AGBL1: variants seen among roughly 807,000 people sequenced by gnomAD.
The protein encoded by AGBL1 is AGBL carboxypeptidase 1.
A neutral mutation model predicts 118.9 loss-of-function variants in AGBL1; 130 were observed. The observed-to-expected ratio is 1.09, with a 90% confidence interval of 0.95 to 1.26. AGBL1 has a LOEUF of 1.26. AGBL1 is among the 50% of genes most tolerant of loss of function. The pLI, the probability that AGBL1 is intolerant of heterozygous loss-of-function variation, is 0.00. For missense variants in AGBL1, 1,584 were observed against 1,298.1 expected (o/e 1.22, Z -3.38); for synonymous variants, 555 against 478.9 (o/e 1.16, Z -2.08).
At position 86,911,622 on chromosome 15, in the gene AGBL1, C is replaced by A. The variant is rs1255909849; in HGVS notation, c.*4328C>A. 1 of 152,124 alleles carries A rather than the reference C, an allele frequency of 6.6e-6. No individual in the cohort carries two copies. Among genetic ancestry groups the A allele is most frequent in the Non-Finnish European group, 1.5e-5 (1 of 68,036 alleles). 9.4% of individuals were successfully genotyped at this position (152,124 alleles called of 1,614,324 possible). ...GAGTGTCTACACACATATGCACATG[C>A]ACAGTGCAATAGGGGCATGGAAGGG... is the stretch of plus-strand genomic sequence containing the variant. On this transcript the variant is annotated 3_prime_UTR_variant, in exon 23 of 23. Transcript: ENST00000614907.
intron 21 of AGBL1, among the ~76,000 whole-genome samples, chr15:86,673,886 G>A (rs1162594309): frequency 6.6e-6 from 1 of 152,032 alleles, no homozygotes; most frequent in Non-Finnish European, 1.5e-5. Flanking sequence ...TTATCTCTTA[G>A]TAAGATTCTT....
chr15:86,109,072 G>A (rs1250203702), intron 1 of AGBL1, among the ~76,000 whole-genome samples: 3 of 152,150 alleles, frequency 2.0e-5, no homozygotes, highest in African/African-American at 4.8e-5. Flanking sequence ...GCTGTAAAAT[G>A]GATATTGGTT....
rs78828759 is a variant in AGBL1 at position 86,774,481 on chromosome 15, A to T, written c.3158+100045A>T. ...TTAGAATTTTTCACATATTGGGGGC[A>T]CAATATTGAATGAAACAGAGTATCT... On this transcript the variant is annotated intron_variant, in intron 22 of 22. Transcript: ENST00000614907. Among the ~76,000 whole-genome samples, 155 of 152,206 alleles carry T rather than the reference A, an allele frequency of 1.0e-3. 3 individuals are homozygous for T. The East Asian group carries it at 0.026, about 25-fold the overall frequency.
chr15:86,623,832 T>G (rs575844978), intron 21 of AGBL1, among the ~76,000 whole-genome samples: 203 of 152,372 alleles, frequency 1.3e-3, no homozygotes, highest in African/African-American at 4.3e-3. Flanking sequence ...CATACACTTC[T>G]GTGGATTTTA....
chr15:86,661,684 CT>C (rs2085543518), intron 21 of AGBL1, among the ~76,000 whole-genome samples: 1 of 152,014 alleles, frequency 6.6e-6, no homozygotes, highest in African/African-American at 2.4e-5. Flanking sequence ...AGTTAAAAGC[CT>C]TTTTGCTAGA....
intron 21 of AGBL1, among the ~76,000 whole-genome samples, chr15:86,555,504 C>T (rs772264014): frequency 1.7e-4 from 26 of 152,136 alleles, no homozygotes; most frequent in Admixed American, 3.3e-4. Flanking sequence ...CTCAGAGCTA[C>T]CGAACCACCC....
chr15:86,485,687 C>G (rs2082703452), intron 18 of AGBL1, among the ~76,000 whole-genome samples: 1 of 152,090 alleles, frequency 6.6e-6, no homozygotes. Flanking sequence ...ATGGGCTATA[C>G]AAAAGCAGAT....
chr15:86,348,790 A>G (rs978181345), intron 17 of AGBL1, among the ~76,000 whole-genome samples: 5 of 151,914 alleles, frequency 3.3e-5, no homozygotes, highest in Non-Finnish European at 4.4e-5. Context: ...GAAAAAAAAA[A>G]AAAAAAAAGC....
At chr15:86,626,973 G>A (rs1017542443) in intron 21 of AGBL1, among the ~76,000 whole-genome samples, 3 of 151,632 alleles carry the variant, frequency 2.0e-5, no homozygotes, top group African/African-American at 7.3e-5. Context: ...GTGTAGCTGG[G>A]ACTACAGGTG....
chr15:86,445,191 CT>C (rs1389310182), intron 18 of AGBL1, among the ~76,000 whole-genome samples: 3 of 152,184 alleles, frequency 2.0e-5, no homozygotes, highest in Non-Finnish European at 4.4e-5. Flanking sequence ...GCCCATCACC[CT>C]GGGGGAGAGC....
At chr15:86,118,130 ATGGCCCTCACCT>A (rs1368075471) in intron 1 of AGBL1, among the ~76,000 whole-genome samples, 1 of 152,172 alleles carries the variant, frequency 6.6e-6, no homozygotes, top group Non-Finnish European at 1.5e-5. Context: ...CTTTCAAGAG[ATGGCCCTCACCT>A]TTTCCCAGGT....
intron 18 of AGBL1, among the ~76,000 whole-genome samples, chr15:86,461,401 T>G (rs2082333519): frequency 1.3e-5 from 2 of 152,166 alleles, no homozygotes; most frequent in Non-Finnish European, 2.9e-5. Context: ...GTGAGCCCCT[T>G]TTATGCCTAG....
chr15:86,761,195 C>T (rs911998755), intron 22 of AGBL1, among the ~76,000 whole-genome samples: 10 of 151,966 alleles, frequency 6.6e-5, no homozygotes, highest in African/African-American at 2.4e-4. Context: ...TACTGTTTTC[C>T]AGGCAAGACT....
In AGBL1 at chr15:86,615,208, C is replaced by T. The variant is rs141021104; in HGVS notation, c.2995-59065C>T. On this transcript the variant is annotated intron_variant, in intron 21 of 22. Transcript: ENST00000614907. This position sits in a 1 kb window ranked among gnomAD's most constrained non-coding sequence, Gnocchi z 4.3. ...CTTCCAGATGCCTCTGCCAGCAATGCGGGAGATTAATTCTAGCATTGGAAG... is the reference window on the plus strand; with the variant it reads ...CTTCCAGATGCCTCTGCCAGCAATGTGGGAGATTAATTCTAGCATTGGAAG... Among the ~76,000 whole-genome samples the T allele has an allele frequency of 3.4e-4, 52 of 151,980 alleles. No individual in the cohort carries two copies. The highest frequency in any genetic ancestry group is 6.8e-4 in the Non-Finnish European group (46 of 68,002).
intron 18 of AGBL1, among the ~76,000 whole-genome samples, chr15:86,477,252 A>G (rs867156692): frequency 0.069 from 6,455 of 93,162 alleles, 198 homozygotes; most frequent in South Asian, 0.13. Context: ...TGAAGGAGAT[A>G]GAGACACAAA....
At chr15:86,572,556 C>T (rs1461064692) in intron 21 of AGBL1, among the ~76,000 whole-genome samples, 1 of 152,220 alleles carries the variant, frequency 6.6e-6, no homozygotes, top group Non-Finnish European at 1.5e-5. Context: ...CTGCACCGTT[C>T]CCGCAGTGGT....
chr15:86,244,463 G>A (rs4887422), intron 6 of AGBL1, among the ~76,000 whole-genome samples: 7,378 of 152,124 alleles, frequency 0.048, 228 homozygotes, highest in Admixed American at 0.1. Flanking sequence ...TTTTAGATAC[G>A]TATTGACTTT....
chr15:86,610,509 T>G (rs1031254556), intron 21 of AGBL1, among the ~76,000 whole-genome samples: 4 of 152,166 alleles, frequency 2.6e-5, no homozygotes, highest in African/African-American at 9.6e-5. Flanking sequence ...AAAGTCAGCC[T>G]GGGGCTGCTC....
chr15:86,600,681 T>G (rs1434975070), intron 21 of AGBL1, among the ~76,000 whole-genome samples: 2 of 152,148 alleles, frequency 1.3e-5, no homozygotes, highest in Non-Finnish European at 2.9e-5. Context: ...GAAAGGAAGC[T>G]GAATCAGAAA....
Sources: allele counts gnomAD v4.1 joint callset (sites outside exome capture counted in the v4.1 genomes callset), GRCh38; gene constraint gnomAD v4.1.1; non-coding constraint Gnocchi (gnomAD v3.1); transcripts MANE v1.5; gene names NCBI Gene and HGNC (gene_info 2026-07-23, HGNC 2026-07-21).